RBFOX3: variants seen among roughly 807,000 people sequenced by gnomAD.
RBFOX3 encodes the protein RNA binding fox-1 homolog 3, also known as RNA binding protein fox-1 homolog 3.
In RBFOX3, 17 loss-of-function variants were observed where a neutral mutation model predicts 48.7. The ratio of observed to expected loss-of-function variants is 0.35; its 90% CI spans 0.24 to 0.52. RBFOX3 has a LOEUF of 0.52. Among genes scored for constraint, RBFOX3 ranks in the 20% least tolerant of loss-of-function variants. The probability of loss-of-function intolerance (pLI) is 0.94; values close to 1 mark genes in which losing one functional copy is unlikely to be tolerated. For missense variants in RBFOX3, 382 were observed against 497.5 expected (o/e 0.77, Z 2.21); for synonymous variants, 212 against 209.5 (o/e 1.01, Z -0.10).
intron 4 of RBFOX3, among the ~76,000 whole-genome samples, chr17:79,227,373 T>C (rs1422887974): frequency 6.6e-6 from 1 of 152,156 alleles, no homozygotes; most frequent in Non-Finnish European, 1.5e-5. Context: ...GATGGAGGTG[T>C]CCCCATGGAT....
chr17:79,156,731 CT>C (rs1347500144), intron 4 of RBFOX3, among the ~76,000 whole-genome samples: 1 of 152,232 alleles, frequency 6.6e-6, no homozygotes, highest in Non-Finnish European at 1.5e-5. Flanking sequence ...CCCGGAGAGA[CT>C]AGCCCAGGTG....
intron 2 of RBFOX3, among the ~76,000 whole-genome samples, chr17:79,360,997 G>A (rs1391854501): frequency 6.6e-6 from 1 of 152,146 alleles, no homozygotes; most frequent in Non-Finnish European, 1.5e-5. Context: ...TATTTCTGCT[G>A]AATGCCGCAC....
At chr17:79,308,962 T>C (rs1396683985) in intron 2 of RBFOX3, among the ~76,000 whole-genome samples, 1 of 151,930 alleles carries the variant, frequency 6.6e-6, no homozygotes, top group Non-Finnish European at 1.5e-5. Context: ...CTACTAAAAA[T>C]ACAAAAGTTA....
At chr17:79,104,599 A>G (rs891372590) in intron 6 of RBFOX3, among the ~76,000 whole-genome samples, 1 of 152,208 alleles carries the variant, frequency 6.6e-6, no homozygotes, top group African/African-American at 2.4e-5. Context: ...AATTCACACT[A>G]AAGGGTAAAG....
In RBFOX3 at chr17:79,549,175, G is replaced by C. The variant is rs1599123512; in HGVS notation, c.-320+61651C>G. On this transcript the variant is annotated intron_variant, in intron 1 of 14. Transcript: ENST00000693108. ...GGGAAAGCCTTGCCAGCAAGTGACA[G>C]CCACACAGCCTCAAGATTTTCATGA... 3.9e-5 allele frequency among the ~76,000 whole-genome samples: 6 copies of C among 152,348 alleles called. No homozygotes were observed. The South Asian group carries it at 1.2e-3, about 32-fold the overall frequency.
At chr17:79,144,061 T>A (rs1351555889) in intron 4 of RBFOX3, among the ~76,000 whole-genome samples, 2 of 152,148 alleles carry the variant, frequency 1.3e-5, no homozygotes, top group African/African-American at 4.8e-5. Context: ...GGAGGACACA[T>A]CTAAGCCACA....
intron 2 of RBFOX3, among the ~76,000 whole-genome samples, chr17:79,396,909 G>A (rs2062056648): frequency 6.6e-6 from 1 of 152,226 alleles, no homozygotes; most frequent in Non-Finnish European, 1.5e-5. Context: ...GGCCAGGGTG[G>A]GACCTGTCAT....
rs148255637 is a variant in RBFOX3 at position 79,535,090 on chromosome 17, C to T, written c.-319-52492G>A. 7.9e-5 allele frequency among the ~76,000 whole-genome samples: 12 copies of T among 152,202 alleles called. No homozygotes were observed. The highest frequency in any genetic ancestry group is 5.8e-4 in the East Asian group (3 of 5,190). On this transcript the variant is annotated intron_variant, in intron 1 of 14. Transcript: ENST00000693108. The surrounding 1 kb of genome is among the most constrained non-coding windows in gnomAD (Gnocchi z 4.5). Reference sequence around the variant, plus strand: ...ACGAGGAAGCGTGCCAGTCACATGACGGGAAGTCCAGGCTGTGGCAGCTGC... The same window carrying T: ...ACGAGGAAGCGTGCCAGTCACATGATGGGAAGTCCAGGCTGTGGCAGCTGC...
intron 4 of RBFOX3, among the ~76,000 whole-genome samples, chr17:79,148,184 G>A (rs1391717829): frequency 2.0e-5 from 3 of 152,236 alleles, no homozygotes. Context: ...AACACTCCTT[G>A]CAGCTGTGTT....
intron 2 of RBFOX3, among the ~76,000 whole-genome samples, chr17:79,388,398 T>C (rs990816511): frequency 3.3e-5 from 5 of 152,058 alleles, no homozygotes; most frequent in East Asian, 1.9e-4. Flanking sequence ...TTGTCAAGGG[T>C]TACTCATCTC....
At chr17:79,277,985 C>T (rs752678796) in intron 3 of RBFOX3, among the ~76,000 whole-genome samples, 1 of 152,214 alleles carries the variant, frequency 6.6e-6, no homozygotes, top group Non-Finnish European at 1.5e-5. Flanking sequence ...GGGCAGTTTT[C>T]TCAGCCTGAT....
intron 1 of RBFOX3, among the ~76,000 whole-genome samples, chr17:79,567,473 C>T (rs1369132664): frequency 6.6e-6 from 1 of 152,202 alleles, no homozygotes; most frequent in African/African-American, 2.4e-5. Flanking sequence ...GCGTGAGCCA[C>T]CGCACCCAGC....
At chr17:79,494,581 G>C (rs967022449) in intron 1 of RBFOX3, among the ~76,000 whole-genome samples, 1 of 152,258 alleles carries the variant, frequency 6.6e-6, no homozygotes, top group Admixed American at 6.5e-5. Context: ...GGGAGGGTTG[G>C]AGTGGGCTGG....
chr17:79,375,785 G>A (rs916133289), intron 2 of RBFOX3, among the ~76,000 whole-genome samples: 6 of 152,154 alleles, frequency 3.9e-5, no homozygotes, highest in Non-Finnish European at 8.8e-5. Flanking sequence ...TGCAGGACAC[G>A]GCCCCTCACC....
At chr17:79,445,079 G>A (rs956553812) in intron 2 of RBFOX3, among the ~76,000 whole-genome samples, 1 of 152,098 alleles carries the variant, frequency 6.6e-6, no homozygotes, top group African/African-American at 2.4e-5. Context: ...CCTGTGTCAG[G>A]TTTCATGCTT....
At chr17:79,160,627 G>A (rs904937315) in intron 4 of RBFOX3, among the ~76,000 whole-genome samples, 14 of 152,118 alleles carry the variant, frequency 9.2e-5, no homozygotes, top group African/African-American at 3.1e-4. Context: ...CTCTGAGAAG[G>A]GACAGCAGGA....
chr17:79,185,416 G>T (rs1243995781), intron 4 of RBFOX3, among the ~76,000 whole-genome samples: 1 of 152,220 alleles, frequency 6.6e-6, no homozygotes, highest in African/African-American at 2.4e-5. Context: ...GATGAGGTGG[G>T]TTGTAGCATT....
rs58040659 is a variant in RBFOX3 at position 79,356,348 on chromosome 17, G to GTTTTTTTTTT, written c.-174-48534_-174-48525dup. ...ACTTTTTCACTTTTAAAACAGGGAA[G>GTTTTTTTTTT]TTTTTTTTTTTTTTTTTTTTTTTTT... is the stretch of plus-strand genomic sequence containing the variant. On this transcript the variant is annotated intron_variant, in intron 2 of 14. Transcript: ENST00000693108. Among the ~76,000 whole-genome samples, 68 of 47,324 alleles carry GTTTTTTTTTT rather than the reference G, an allele frequency of 1.4e-3. 9 individuals carry two copies. Among genetic ancestry groups the GTTTTTTTTTT allele is most frequent in the Non-Finnish European group, 2.0e-3 (49 of 24,438 alleles). The allele number at this position is 47,324 out of a possible 152,430, so 31.0% of individuals were successfully genotyped here. A position where few individuals can be genotyped will look rare whatever the true frequency, so the allele number is the denominator to read the frequency against.
chr17:79,175,376 A>G (rs4789952), intron 4 of RBFOX3, among the ~76,000 whole-genome samples: 152,040 of 152,368 alleles, frequency 1, 75,858 homozygotes, highest in Middle Eastern at 1. Flanking sequence ...CACCCATCCC[A>G]TTCCTCTGGA....
Sources: gnomAD v4.1 joint callset for allele counts (sites outside exome capture counted in the v4.1 genomes callset) on GRCh38, gnomAD v4.1.1 for gene constraint, Gnocchi (gnomAD v3.1) non-coding constraint, MANE v1.5 for transcripts, NCBI Gene and HGNC (gene_info 2026-07-23, HGNC 2026-07-21) for gene names.